Variants in ADAMTS12 observed in about 807,000 individuals in gnomAD.
ADAMTS12 encodes the protein ADAM metallopeptidase with thrombospondin type 1 motif 12, also known as A disintegrin and metalloproteinase with thrombospondin motifs 12.
A neutral mutation model predicts 167.8 loss-of-function variants in ADAMTS12; 118 were observed. That is an observed-to-expected ratio of 0.70 (90% confidence interval 0.61 to 0.82). ADAMTS12 has a LOEUF of 0.82. Ranked by LOEUF, ADAMTS12 falls within the 40% of genes least tolerant of loss-of-function variation. ADAMTS12 has a pLI of 0.00. For missense variants in ADAMTS12, 1,916 were observed against 1,998.8 expected (o/e 0.96, Z 0.79); for synonymous variants, 704 against 716.9 (o/e 0.98, Z 0.29).
At chr5:33,720,033 A>C (rs1028128208) in intron 3 of ADAMTS12, among the ~76,000 whole-genome samples, 6 of 152,028 alleles carry the variant, frequency 3.9e-5, no homozygotes. Flanking sequence ...ACAATCTCAA[A>C]CCCAATATCT....
intron 16 of ADAMTS12, among the ~76,000 whole-genome samples, chr5:33,597,662 T>C (rs1321185501): frequency 6.9e-6 from 1 of 145,310 alleles, no homozygotes; most frequent in Non-Finnish European, 1.5e-5. Flanking sequence ...AAACAGTAAG[T>C]AAATCCTTTA....
chr5:33,662,440 A>G (rs1174751205), intron 5 of ADAMTS12, among the ~76,000 whole-genome samples: 1 of 152,228 alleles, frequency 6.6e-6, no homozygotes, highest in Non-Finnish European at 1.5e-5. Context: ...ATTTTCAACA[A>G]AAGTTTTTTC....
intron 20 of ADAMTS12, among the ~76,000 whole-genome samples, chr5:33,558,320 T>C (rs1169549177): frequency 6.6e-6 from 1 of 152,174 alleles, no homozygotes; most frequent in Non-Finnish European, 1.5e-5. Context: ...ATATAAGGTT[T>C]ATCTATTATC....
chr5:33,686,372 T>A (rs1376812578), intron 3 of ADAMTS12, among the ~76,000 whole-genome samples: 2 of 152,104 alleles, frequency 1.3e-5, no homozygotes, highest in African/African-American at 4.8e-5. Flanking sequence ...CTCAGATATC[T>A]ACCGTTAGGT....
In ADAMTS12 at chr5:33,753,991, G is replaced by T. The variant is rs1225493222; in HGVS notation, c.490-2443C>A. 2.6e-5 allele frequency among the ~76,000 whole-genome samples: 4 copies of T among 152,292 alleles called. No individual in the cohort carries two copies. The South Asian group carries it at 6.2e-4, about 24-fold the overall frequency. Reference sequence around the variant, plus strand: ...CAGAGAAAGGAATAGGTAGGAGAGGGGATGAAGCAGCTGTAGGGAGAGTGA... The same window carrying T: ...CAGAGAAAGGAATAGGTAGGAGAGGTGATGAAGCAGCTGTAGGGAGAGTGA... On this transcript the variant is annotated intron_variant, in intron 2 of 23. Coordinates refer to ENST00000504830, the MANE Select transcript of ADAMTS12 (RefSeq NM_030955.4).
intron 3 of ADAMTS12, among the ~76,000 whole-genome samples, chr5:33,689,753 C>T (rs61663793): frequency 0.18 from 27,756 of 152,192 alleles, 2,987 homozygotes; most frequent in South Asian, 0.43. Context: ...ACCCAAACCA[C>T]CTGTGACCTT....
chr5:33,827,490 A>G (rs1447320127), intron 2 of ADAMTS12, among the ~76,000 whole-genome samples: 1 of 152,150 alleles, frequency 6.6e-6, no homozygotes, highest in Admixed American at 6.5e-5. Context: ...TTTCTGGCCT[A>G]CGGAATTGTA....
intron 19 of ADAMTS12, among the ~76,000 whole-genome samples, chr5:33,567,206 C>T (rs1746059712): frequency 6.6e-6 from 1 of 152,206 alleles, no homozygotes; most frequent in African/African-American, 2.4e-5. Context: ...GATATCAATC[C>T]TACATGTATG....
chr5:33,854,210 A>T (rs1037227646), intron 2 of ADAMTS12, among the ~76,000 whole-genome samples: 10 of 152,354 alleles, frequency 6.6e-5, no homozygotes, highest in Admixed American at 6.5e-4. Flanking sequence ...TAATATCTGT[A>T]AATCAATGGG....
intron 1 of ADAMTS12, among the ~76,000 whole-genome samples, chr5:33,888,747 T>C (rs1750735944): frequency 6.6e-6 from 1 of 152,200 alleles, no homozygotes; most frequent in South Asian, 2.1e-4. Context: ...GGGATATGAT[T>C]GGCTGTAGAA....
chr5:33,852,240 C>A (rs974643389), intron 2 of ADAMTS12, among the ~76,000 whole-genome samples: 1 of 152,036 alleles, frequency 6.6e-6, no homozygotes, highest in Non-Finnish European at 1.5e-5. Context: ...GCTGAGAATA[C>A]TGAAGGACCA....
chr5:33,627,698 A>T (rs1302463520), intron 13 of ADAMTS12, among the ~76,000 whole-genome samples: 1 of 152,180 alleles, frequency 6.6e-6, no homozygotes, highest in Non-Finnish European at 1.5e-5. Context: ...TAGAAATGTT[A>T]AGATTGGAGT....
At chr5:33,845,986 G>A (rs1222701790) in intron 2 of ADAMTS12, among the ~76,000 whole-genome samples, 2 of 152,156 alleles carry the variant, frequency 1.3e-5, no homozygotes, top group East Asian at 3.8e-4. Context: ...ATACATTAAG[G>A]ATCCACTCCA....
At chr5:33,716,890 T>C (rs1309463048) in intron 3 of ADAMTS12, among the ~76,000 whole-genome samples, 1 of 152,082 alleles carries the variant, frequency 6.6e-6, no homozygotes, top group African/African-American at 2.4e-5. Flanking sequence ...TTCTACAGTA[T>C]AAAATAAAGT....
chr5:33,623,066 G>A (rs1339547622), intron 14 of ADAMTS12, among the ~76,000 whole-genome samples: 1 of 152,200 alleles, frequency 6.6e-6, no homozygotes, highest in Non-Finnish European at 1.5e-5. Flanking sequence ...AATAGGTCAT[G>A]TAATTAACTG....
intron 3 of ADAMTS12, among the ~76,000 whole-genome samples, chr5:33,696,729 A>C (rs951864422): frequency 1.3e-5 from 2 of 152,156 alleles, no homozygotes; most frequent in African/African-American, 4.8e-5. Flanking sequence ...GTAAAGGCTC[A>C]AGTTTGAGTT....
At chr5:33,864,033 A>G (rs529345481) in intron 2 of ADAMTS12, among the ~76,000 whole-genome samples, 1 of 152,342 alleles carries the variant, frequency 6.6e-6, no homozygotes, top group South Asian at 2.1e-4. Flanking sequence ...CCACTCCCTT[A>G]CACCTTATAC....
intron 2 of ADAMTS12, among the ~76,000 whole-genome samples, chr5:33,822,955 G>T (rs1215766303): frequency 6.6e-6 from 1 of 151,974 alleles, no homozygotes; most frequent in Non-Finnish European, 1.5e-5. Context: ...AGCCAGATGT[G>T]ATGGTGCACA....
chr5:33,565,568 T>TA (rs1245727575), intron 19 of ADAMTS12, among the ~76,000 whole-genome samples: 1 of 152,208 alleles, frequency 6.6e-6, no homozygotes, highest in Non-Finnish European at 1.5e-5. Flanking sequence ...TAATAGTCCT[T>TA]ACAGCTTTGA....
Sources: gnomAD v4.1 joint callset for allele counts (sites outside exome capture counted in the v4.1 genomes callset) on GRCh38, gnomAD v4.1.1 for gene constraint, MANE v1.5 for transcripts, NCBI Gene and HGNC (gene_info 2026-07-23, HGNC 2026-07-21) for gene names.